Variants in ANKRD30B observed in about 807,000 individuals in gnomAD.
The protein encoded by ANKRD30B is ankyrin repeat domain-containing protein 30B.
A neutral mutation model predicts 202.2 loss-of-function variants in ANKRD30B; 144 were observed. The observed-to-expected ratio is 0.71, with a 90% CI of 0.62 to 0.82. The LOEUF (loss-of-function observed/expected upper bound fraction) is 0.82, where lower values mean the gene tolerates loss of function less well. ANKRD30B is among the 40% of genes least tolerant of loss of function. ANKRD30B has a pLI of 0.00. For synonymous variants in ANKRD30B, 508 were observed against 561.3 expected (o/e 0.91, Z 1.34); for missense variants, 1,487 against 1,669.1 (o/e 0.89, Z 1.90).
Position 14,826,693 on chromosome 18 carries a change from T to TCACACACA in ANKRD30B, c.2744-1558_2744-1551dup, listed in dbSNP as rs61497414. Among the ~76,000 whole-genome samples, 481 of 125,026 alleles carry TCACACACA rather than the reference T, an allele frequency of 3.8e-3. 3 individuals carry two copies. Among genetic ancestry groups the TCACACACA allele is most frequent in the South Asian group, 8.2e-3 (27 of 3,288 alleles). The allele number at this position is 125,026 out of a possible 152,430, so 82.0% of individuals were successfully genotyped here. On this transcript the variant is annotated intron_variant, in intron 32 of 43. Coordinates refer to ENST00000690538, the MANE Select transcript of ANKRD30B (RefSeq NM_001367607.2). ...CTCTCTCCCCCTCTCTCTCTCTCTC[T>TCACACACA]CACACACACACACACACACACACAC... is the stretch of plus-strand genomic sequence containing the variant.
At position 14,848,919 on chromosome 18, in the gene ANKRD30B, T is replaced by C; in HGVS notation, c.3385T>C (p.Cys1129Arg). The change falls in exon 40 of 44, where the codon TGC (cysteine) becomes CGC (arginine). Residue 1129 changes from cysteine (C) to arginine (R), a missense_variant. Transcript: ENST00000690538. ...AAAAGCTAAATGGGAACAAGAGCTCTGCAGTGTGAGGTATGACATCCTAGT... is the reference window on the plus strand; with the variant it reads ...AAAAGCTAAATGGGAACAAGAGCTCCGCAGTGTGAGGTATGACATCCTAGT... ...NQKAKWEQEL[C>R]SVRLTLNQEE... 2 of 1,573,536 alleles carry C rather than the reference T, an allele frequency of 1.3e-6. No individual in the cohort carries two copies. Among genetic ancestry groups the C allele is most frequent in the African/African-American group, 2.7e-5 (2 of 72,776 alleles).
intron 39 of ANKRD30B, among the ~76,000 whole-genome samples, chr18:14,845,812 T>C (rs1450678519): frequency 6.6e-6 from 1 of 152,170 alleles, no homozygotes. Flanking sequence ...ACTTCATGAT[T>C]CATTGATGCA....
At chr18:14,841,649 T>C (rs753411628) in intron 37 of ANKRD30B, among the ~76,000 whole-genome samples, 4 of 152,172 alleles carry the variant, frequency 2.6e-5, no homozygotes, top group Non-Finnish European at 5.9e-5. Context: ...AGACCACAGA[T>C]GTGGACATTA....
chr18:14,918,952 C>A, the ANKRD30B span, among the ~76,000 whole-genome samples: 1 of 152,182 alleles, frequency 6.6e-6, no homozygotes, highest in Non-Finnish European at 1.5e-5. Context: ...CACTGACTTG[C>A]CATTCCAGCT....
At chr18:14,860,687 GA>G in the ANKRD30B span, among the ~76,000 whole-genome samples, 10 of 149,300 alleles carry the variant, frequency 6.7e-5, no homozygotes, top group South Asian at 2.1e-4. Context: ...TCTTCTTAAA[GA>G]AAAAAAAATG....
intron 37 of ANKRD30B, among the ~76,000 whole-genome samples, chr18:14,841,666 C>T (rs1447362156): frequency 6.6e-6 from 1 of 152,080 alleles, no homozygotes; most frequent in African/African-American, 2.4e-5. Context: ...ATTATTTTGG[C>T]TAAGGAAGAG....
chr18:14,759,990 T>A (rs117603614), intron 5 of ANKRD30B, among the ~76,000 whole-genome samples: 7,300 of 152,240 alleles, frequency 0.048, 245 homozygotes, highest in Non-Finnish European at 0.078. Flanking sequence ...AATCCCCCTG[T>A]CTCAGCATCC....
intron 30 of ANKRD30B, chr18:14,816,739 TA>T (rs1381077621): frequency 1.3e-5 from 2 of 151,892 alleles, no homozygotes; most frequent in African/African-American, 4.8e-5. Flanking sequence ...TAGACTGGAT[TA>T]AGAAAGTATG....
rs1280350677 is a variant in ANKRD30B, at chr18:14,837,241, C to T, written c.2878C>T (p.Gln960Ter). ...AGCAACAAAGACAGTAACTGGACAA[C>T]AGGAACGTGATATTGGCATTATTGA... is the stretch of plus-strand genomic sequence containing the variant. Reference protein sequence around the residue: ...EGATKTVTGQQERDIGIIERA... With the variant: ...EGATKTVTGQ The change falls in exon 35 of 44, where the codon CAG (glutamine) becomes TAG (stop). Residue 960 changes from glutamine to a stop codon, truncating the protein, a stop_gained. Coordinates refer to ENST00000690538, the MANE Select transcript of ANKRD30B (RefSeq NM_001367607.2). LOFTEE classifies it high-confidence loss of function. 3 of 1,549,352 alleles carry T rather than the reference C, an allele frequency of 1.9e-6. No homozygotes were observed. Among genetic ancestry groups the T allele is most frequent in the Admixed American group, 3.9e-5 (2 of 50,826 alleles).
At chr18:14,819,707 G>C (rs1970309725) in intron 30 of ANKRD30B, among the ~76,000 whole-genome samples, 1 of 151,958 alleles carries the variant, frequency 6.6e-6, no homozygotes, top group Non-Finnish European at 1.5e-5. Flanking sequence ...GCTCTGTTCT[G>C]TTCCATTGAT....
At chr18:14,754,835 G>C in intron 3 of ANKRD30B, 64 bp from the exon 4 acceptor site, 2 of 1,110,730 alleles carry the variant, frequency 1.8e-6, no homozygotes, top group African/African-American at 1.6e-5. Flanking sequence ...TATAATATAA[G>C]GTATTCAGTT....
chr18:14,926,451 G>A, the ANKRD30B span, among the ~76,000 whole-genome samples: 2 of 152,148 alleles, frequency 1.3e-5, no homozygotes, highest in East Asian at 1.9e-4. Context: ...GGCAGCTCTC[G>A]TGGGGCATCC....
At chr18:14,805,154 A>C (rs996609259) in intron 24 of ANKRD30B, among the ~76,000 whole-genome samples, 8 of 150,830 alleles carry the variant, frequency 5.3e-5, no homozygotes, top group Admixed American at 3.3e-4. Context: ...TTTTTAAGGA[A>C]GCAAATTGTG....
chr18:14,789,997 T>C lies in ANKRD30B; in HGVS notation c.1735-1404T>C, dbSNP rs1217736297. Among the ~76,000 whole-genome samples, 4 of 152,322 alleles carry C rather than the reference T, an allele frequency of 2.6e-5. No homozygotes were observed. The South Asian group carries it at 8.3e-4, about 32-fold the overall frequency. On this transcript the variant is annotated intron_variant, in intron 15 of 43. Transcript: ENST00000690538. ...TACTTGGGCAGTATGGCCATTTTCA[T>C]GATATTCATTCTTCCTACCCATGAG...
In ANKRD30B at chr18:14,809,501, C is replaced by T. The variant is rs143491544; in HGVS notation, c.2387-485C>T. Among the ~76,000 whole-genome samples the T allele has an allele frequency of 4.9e-4, 74 of 150,766 alleles. 4 individuals are homozygous for T. The highest frequency in any genetic ancestry group is 1.7e-3 in the African/African-American group (68 of 40,788). On this transcript the variant is annotated intron_variant, in intron 26 of 43. Coordinates refer to ENST00000690538, the MANE Select transcript of ANKRD30B (RefSeq NM_001367607.2). ...TAGAAGAGCCATGGCGAGATGAGGG[C>T]GTTCATAGCACTATCTTATCCATAT...
At chr18:14,845,429 G>T (rs1971596470) in intron 39 of ANKRD30B, among the ~76,000 whole-genome samples, 1 of 152,074 alleles carries the variant, frequency 6.6e-6, no homozygotes, top group African/African-American at 2.4e-5. Context: ...TGTCCATTTT[G>T]TCTAAGTTGT....
the ANKRD30B span, among the ~76,000 whole-genome samples, chr18:14,867,415 C>T: frequency 6.6e-6 from 1 of 151,836 alleles, no homozygotes; most frequent in East Asian, 2.0e-4. Flanking sequence ...GGAAGGGGCC[C>T]TTCTCCTCTT....
intron 7 of ANKRD30B, among the ~76,000 whole-genome samples, chr18:14,766,603 C>T (rs1392587525): frequency 1.3e-5 from 2 of 151,148 alleles, no homozygotes; most frequent in Admixed American, 6.6e-5. Flanking sequence ...ATGAAACATT[C>T]ATGTGGGATA....
At chr18:14,854,734 C>T (rs1050782565), downstream of ANKRD30B, among the ~76,000 whole-genome samples, 24 of 152,052 alleles carry the variant, frequency 1.6e-4, no homozygotes, top group African/African-American at 5.5e-4. Context: ...ATTGACAACT[C>T]TATACTTGGT....
Sources: gnomAD v4.1 joint callset for allele counts (sites outside exome capture counted in the v4.1 genomes callset) on GRCh38, gnomAD v4.1.1 for gene constraint, MANE v1.5 for transcripts, NCBI Gene and HGNC (gene_info 2026-07-23, HGNC 2026-07-21) for gene names.